The following MALT1 variants were observed in gnomAD, a reference collection of about 807,000 sequenced individuals.
The protein encoded by MALT1 is mucosa-associated lymphoid tissue lymphoma translocation protein 1.
In MALT1, 36 loss-of-function variants were observed where a neutral mutation model predicts 85.5. The observed-to-expected ratio is 0.42, with a 90% CI of 0.32 to 0.56. The LOEUF is 0.56. Ranked by LOEUF, MALT1 falls within the 20% of genes least tolerant of loss-of-function variation. The pLI is 0.10. For missense variants in MALT1, 716 were observed against 981.6 expected, an observed-to-expected ratio of 0.73 and a Z score of 3.62; for synonymous variants, 359 against 361.3, an observed-to-expected ratio of 0.99 and a Z score of 0.07.
intron 10 of MALT1, among the ~76,000 whole-genome samples, chr18:58,727,616 GT>G (rs751434443): frequency 2.7e-4 from 33 of 121,234 alleles, no homozygotes; most frequent in South Asian, 8.0e-4. Context: ...GGTTTTTTGT[GT>G]TTTTTTTTTT....
intron 9 of MALT1, among the ~76,000 whole-genome samples, chr18:58,722,212 C>T (rs2054994924): frequency 6.6e-6 from 1 of 151,762 alleles, no homozygotes; most frequent in Admixed American, 6.6e-5. Flanking sequence ...TGTTGAAGAC[C>T]TCATAAGCAC....
At chr18:58,710,239 A>G (rs1285725974) in intron 6 of MALT1, among the ~76,000 whole-genome samples, 167 bp downstream of exon 6, 1 of 152,270 alleles carries the variant, frequency 6.6e-6, no homozygotes, top group East Asian at 1.9e-4. Flanking sequence ...AAGAATGCAT[A>G]CTAAAATCAT....
chr18:58,740,921 TCG>T (rs2055292872), intron 13 of MALT1, among the ~76,000 whole-genome samples: 1 of 152,158 alleles, frequency 6.6e-6, no homozygotes, highest in South Asian at 2.1e-4. Flanking sequence ...GTGACTATTT[TCG>T]TGTTTTAAAT....
chr18:58,733,829 C>A, intron 11 of MALT1: 1 of 1,130,362 alleles, frequency 8.8e-7, no homozygotes, highest in Non-Finnish European at 1.1e-6. Flanking sequence ...GGGGATTCAA[C>A]TCTCCAGAAT....
At position 58,741,887 on chromosome 18, in the gene MALT1, C is replaced by A; in HGVS notation, c.1626C>A (p.Thr542=). The change falls in exon 14 of 17, where the codon ACC becomes ACA. Residue 542 remains threonine (T), a synonymous_variant. Transcript: ENST00000649217. ...VAEDMGKCHL[T]KGKQALEIRS... ...TAGATATGGGTAAGTGTCACCTTAC[C>A]AAAGGCAAACAGGCTCTAGAGATTC... The A allele has an allele frequency of 6.5e-7, 1 of 1,529,940 alleles. No individual in the cohort carries two copies. The highest frequency in any genetic ancestry group is 8.9e-7 in the Non-Finnish European group (1 of 1,120,968). The allele number at this position is 1,529,940 out of a possible 1,614,324, so 94.8% of individuals were successfully genotyped here. A position where few individuals can be genotyped will look rare whatever the true frequency, so the allele number is the denominator to read the frequency against.
intron 2 of MALT1, among the ~76,000 whole-genome samples, chr18:58,692,391 C>T (rs1489895759): frequency 2.0e-5 from 3 of 150,756 alleles, no homozygotes; most frequent in Non-Finnish European, 4.4e-5. Flanking sequence ...TCCAACTGCT[C>T]CACCGACTGG....
At chr18:58,691,058 T>A in intron 2 of MALT1, 1 of 246,676 alleles carries the variant, frequency 4.1e-6, no homozygotes, top group South Asian at 4.5e-5. Flanking sequence ...TGTCTGTTCT[T>A]CAGGGTCATG....
intron 15 of MALT1, among the ~76,000 whole-genome samples, 200 bp from the exon 16 acceptor site, chr18:58,745,466 A>G (rs1344601131): frequency 6.6e-6 from 1 of 152,230 alleles, no homozygotes; most frequent in Non-Finnish European, 1.5e-5. Flanking sequence ...TAGATGGCTT[A>G]GTACAGAATT....
At chr18:58,708,703 A>G (rs937805457) in intron 4 of MALT1, among the ~76,000 whole-genome samples, 1 of 152,186 alleles carries the variant, frequency 6.6e-6, no homozygotes, top group African/African-American at 2.4e-5. Flanking sequence ...TTTCTAGACT[A>G]TTTTTGTGCA....
At chr18:58,729,232 G>A (rs145570064) in intron 10 of MALT1, among the ~76,000 whole-genome samples, 1 of 152,128 alleles carries the variant, frequency 6.6e-6, no homozygotes, top group Admixed American at 6.5e-5. Context: ...CTCAACGCCT[G>A]TAATCCCAGC....
intron 13 of MALT1, among the ~76,000 whole-genome samples, chr18:58,736,294 A>G (rs1242015591): frequency 6.6e-6 from 1 of 152,094 alleles, no homozygotes; most frequent in East Asian, 1.9e-4. Flanking sequence ...AGATCACTTG[A>G]CTTAGCCACT....
At chr18:58,701,108 T>C (rs145277334) in intron 4 of MALT1, among the ~76,000 whole-genome samples, 2 of 150,828 alleles carry the variant, frequency 1.3e-5, no homozygotes, top group Non-Finnish European at 3.0e-5. Context: ...TAATTGTCCT[T>C]CTGTGTGTGT....
At chr18:58,677,562 A>C (rs1030254612) in intron 1 of MALT1, 7 of 152,234 alleles carry the variant, frequency 4.6e-5, no homozygotes, top group Non-Finnish European at 1.0e-4. Flanking sequence ...TCACAAAATA[A>C]GAGCACTAAC....
chr18:58,671,561 A>G lies in MALT1; in HGVS notation c.-83A>G, dbSNP rs1470863495. On this transcript the variant is annotated 5_prime_UTR_variant, in exon 1 of 17. Transcript: ENST00000649217. ...TTCCGCCCCTGCCTCCGCGGCTCGG[A>G]GGCGAGCGGAAGGTGCCCCGGGGCC... 5.4e-6 allele frequency: 5 copies of G among 923,974 alleles called. No homozygotes were observed. The highest frequency in any genetic ancestry group is 5.6e-6 in the Non-Finnish European group (4 of 714,686). The allele number at this position is 923,974 out of a possible 1,614,324, so 57.2% of individuals were successfully genotyped here.
rs1491472069 is a variant in MALT1 at position 58,748,381 on chromosome 18, T to TAC, written c.*540_*541insCA. 1 of 178,038 alleles carries TAC rather than the reference T, an allele frequency of 5.6e-6. No individual in the cohort carries two copies. The highest frequency in any genetic ancestry group is 9.1e-5 in the East Asian group (1 of 11,008). The allele number at this position is 178,038 out of a possible 1,614,324, so 11.0% of individuals were successfully genotyped here. On this transcript the variant is annotated 3_prime_UTR_variant, in exon 17 of 17. Transcript: ENST00000649217. Reference sequence around the variant, plus strand: ...GTTTGTAGATAGAGTGAAATATATTTATATATATATAAATATATACAGATA... The same window carrying TAC: ...GTTTGTAGATAGAGTGAAATATATTTACATATATATATAAATATATACAGATA...
intron 4 of MALT1, 127 bp downstream of exon 4, chr18:58,700,718 C>T: frequency 1.4e-6 from 1 of 695,464 alleles, no homozygotes; most frequent in Non-Finnish European, 2.2e-6. Context: ...GGTACTTCAT[C>T]CATTATAATG....
intron 13 of MALT1, among the ~76,000 whole-genome samples, chr18:58,737,157 A>G (rs2144471425): frequency 6.6e-6 from 1 of 152,166 alleles, no homozygotes; most frequent in South Asian, 2.1e-4. Flanking sequence ...TCTGGGCAAC[A>G]CAGCAAGACC....
At chr18:58,674,700 G>T (rs567138035) in intron 1 of MALT1, among the ~76,000 whole-genome samples, 1 of 152,258 alleles carries the variant, frequency 6.6e-6, no homozygotes, top group South Asian at 2.1e-4. Context: ...ATACTAGAAG[G>T]TCCTAAAGGT....
intron 1 of MALT1, 111 bp from the exon 2 acceptor site, chr18:58,681,059 C>A: frequency 1.2e-6 from 1 of 800,640 alleles, no homozygotes; most frequent in South Asian, 2.1e-5. Context: ...TTGTCACCAC[C>A]CACCCACTCA....
Sources: allele counts gnomAD v4.1 joint callset (sites outside exome capture counted in the v4.1 genomes callset), GRCh38; gene constraint gnomAD v4.1.1; transcripts MANE v1.5; gene names NCBI Gene and HGNC (gene_info 2026-07-23, HGNC 2026-07-21).